The following FBXO38 variants were observed in gnomAD, a reference collection of about 807,000 sequenced individuals.
FBXO38 encodes the protein F-box protein 38.
FBXO38 carries 53 observed loss-of-function variants against 131.9 expected under a neutral mutation model. The observed-to-expected ratio is 0.40, with a 90% confidence interval of 0.32 to 0.51. The LOEUF is 0.51. FBXO38 is among the 20% of genes least tolerant of loss of function. FBXO38 has a pLI of 0.53. For missense variants in FBXO38, 1,076 were observed against 1,475.6 expected (o/e 0.73, Z 4.44); for synonymous variants, 452 against 505.6 (o/e 0.89, Z 1.42).
chr5:148,409,178 A>C lies in FBXO38; in HGVS notation c.923A>C (p.Glu308Ala). 6.2e-7 allele frequency: 1 copy of C among 1,613,200 alleles called. No homozygotes were observed. Among genetic ancestry groups the C allele is most frequent in the Non-Finnish European group, 8.5e-7 (1 of 1,179,282 alleles). ...CTGGGAGCTTGCAAAAATGCTCTTGAAGTAGATCTTGGTTACCTCATCATT... is the reference window on the plus strand; with the variant it reads ...CTGGGAGCTTGCAAAAATGCTCTTGCAGTAGATCTTGGTTACCTCATCATT... ...IVLGACKNALEVDLGYLIITA... is the reference protein window; with the variant it reads ...IVLGACKNALAVDLGYLIITA... Residue 308 changes from glutamate to alanine, a missense_variant, in exon 8 of 22, where the codon GAA becomes GCA. Physicochemically the swap from Glu to Ala is moderately radical, Grantham distance 107 (BLOSUM62 -1). This residue lies in a region of FBXO38 where 146 missense variants were observed against 274.3 expected (regional missense o/e 0.53). Coordinates refer to ENST00000340253, the MANE Select transcript of FBXO38 (RefSeq NM_205836.3).
intron 18 of FBXO38, among the ~76,000 whole-genome samples, chr5:148,439,132 G>T (rs1363893265): frequency 2.6e-5 from 4 of 152,066 alleles, no homozygotes; most frequent in Non-Finnish European, 5.9e-5. Context: ...TTCCCAAAAA[G>T]GAGACAAACA....
intron 12 of FBXO38, among the ~76,000 whole-genome samples, chr5:148,419,507 A>C (rs1344217904): frequency 6.6e-6 from 1 of 152,210 alleles, no homozygotes; most frequent in African/African-American, 2.4e-5. Context: ...GATGGTTCAA[A>C]TCTTCAAGTG....
intron 6 of FBXO38, among the ~76,000 whole-genome samples, chr5:148,406,043 T>C (rs973925999): frequency 1.3e-5 from 2 of 152,258 alleles, no homozygotes; most frequent in African/African-American, 4.8e-5. Context: ...GAATACTACA[T>C]ATCTCTACAG....
chr5:148,420,126 G>GTTTTTTT (rs1394877299), intron 12 of FBXO38, among the ~76,000 whole-genome samples: 1 of 146,026 alleles, frequency 6.8e-6, no homozygotes. Flanking sequence ...TTTTTTGTGG[G>GTTTTTTT]GTTTTTTTTT....
intron 9 of FBXO38, among the ~76,000 whole-genome samples, chr5:148,411,198 C>T (rs1752730009): frequency 6.6e-6 from 1 of 152,096 alleles, no homozygotes; most frequent in South Asian, 2.1e-4. Context: ...AATAAGCCCG[C>T]TGGGGGTTCT....
At chr5:148,414,668 G>A (rs1345925037) in intron 10 of FBXO38, among the ~76,000 whole-genome samples, 1 of 152,122 alleles carries the variant, frequency 6.6e-6, no homozygotes. Context: ...CACATCATCT[G>A]AAAGGACAAA....
chr5:148,425,828 A>C, intron 14 of FBXO38, 127 bp downstream of exon 14: 1 of 782,500 alleles, frequency 1.3e-6, no homozygotes, highest in South Asian at 1.8e-5. Context: ...CAAGAAATGC[A>C]CTTGCCCAAG....
rs1240551253 is a variant in FBXO38, at chr5:148,442,147, A to G, written c.3567A>G (p.Ter1189=). Residue 1189 remains the stop codon, a stop_retained_variant, in exon 22 of 22, where the codon TAA becomes TAG. Coordinates refer to ENST00000340253, the MANE Select transcript of FBXO38 (RefSeq NM_205836.3). Reference sequence around the variant, plus strand: ...AGCCAGTTGAAGATGACTACATTTAATTGGTCCCTCCTCCTTTCCAGCTAT... The same window carrying G: ...AGCCAGTTGAAGATGACTACATTTAGTTGGTCCCTCCTCCTTTCCAGCTAT... ...NGEPVEDDYI[*] The G allele has an allele frequency of 1.9e-6, 3 of 1,613,458 alleles. No individual in the cohort carries two copies. Among genetic ancestry groups the G allele is most frequent in the African/African-American group, 1.3e-5 (1 of 75,040 alleles).
intron 1 of FBXO38, chr5:148,390,043 A>AG (rs1483076362): frequency 6.6e-6 from 1 of 152,346 alleles, no homozygotes; most frequent in Non-Finnish European, 1.5e-5. Flanking sequence ...AAAAAAAAAA[A>AG]AAAAGGTACC....
At chr5:148,432,479 CTG>C (rs1754090689) in intron 15 of FBXO38, among the ~76,000 whole-genome samples, 1 of 152,202 alleles carries the variant, frequency 6.6e-6, no homozygotes. Flanking sequence ...CCATTTAACA[CTG>C]TGGCAAGTTC....
intron 16 of FBXO38, 52 bp downstream of exon 16, chr5:148,433,576 A>G: frequency 6.5e-7 from 1 of 1,549,446 alleles, no homozygotes; most frequent in Non-Finnish European, 8.9e-7. Context: ...CAGTTCCTAA[A>G]TAATGCACAT....
intron 17 of FBXO38, among the ~76,000 whole-genome samples, chr5:148,435,587 T>A (rs909953210): frequency 1.3e-5 from 2 of 152,110 alleles, no homozygotes; most frequent in Non-Finnish European, 2.9e-5. Flanking sequence ...CTCGCTAACA[T>A]GGTGAAACCC....
At chr5:148,396,823 TCTTAA>T (rs1488721642) in intron 2 of FBXO38, among the ~76,000 whole-genome samples, 2 of 152,088 alleles carry the variant, frequency 1.3e-5, no homozygotes, top group Admixed American at 1.3e-4. Flanking sequence ...GCTAGATTGG[TCTTAA>T]CTTCTGGCCT....
intron 9 of FBXO38, among the ~76,000 whole-genome samples, chr5:148,411,957 A>G (rs1752784646): frequency 6.6e-6 from 1 of 152,122 alleles, no homozygotes; most frequent in African/African-American, 2.4e-5. Context: ...ATTTTTCCCA[A>G]AAGCTCAGAA....
At chr5:148,391,830 C>T (rs1035356833) in intron 1 of FBXO38, among the ~76,000 whole-genome samples, 2 of 152,186 alleles carry the variant, frequency 1.3e-5, no homozygotes, top group Admixed American at 1.3e-4. Flanking sequence ...TCCTAAACCT[C>T]TGTTATCACT....
rs6861453 is a variant in FBXO38 at position 148,433,761 on chromosome 5, A to G, written c.2857+24A>G. 955 of 1,318,434 alleles carry G rather than the reference A, an allele frequency of 7.2e-4. 7 individuals are homozygous for G. The African/African-American group carries it at 0.013, about 17-fold the overall frequency. 81.7% of individuals were successfully genotyped at this position (1,318,434 alleles called of 1,614,324 possible). Reference sequence around the variant, plus strand: ...TGGTATGTATTTGGGCCCATATTATACAAGAGTATCATGAATGAGTTAAAA... The same window carrying G: ...TGGTATGTATTTGGGCCCATATTATGCAAGAGTATCATGAATGAGTTAAAA... On this transcript the variant is annotated intron_variant, in intron 17 of 21. Transcript: ENST00000340253.
chr5:148,427,127 G>A, intron 14 of FBXO38, 86 bp from the exon 15 acceptor site: 1 of 1,457,912 alleles, frequency 6.9e-7, no homozygotes, highest in East Asian at 2.3e-5. Context: ...ATTATTTCCT[G>A]TTCCAAATTT....
chr5:148,401,164 G>T (rs1752130861), intron 3 of FBXO38, among the ~76,000 whole-genome samples: 1 of 152,080 alleles, frequency 6.6e-6, no homozygotes, highest in South Asian at 2.1e-4. Flanking sequence ...CAGACAGTTG[G>T]CTTTCTGACC....
At chr5:148,388,504 C>G (rs773449543) in intron 1 of FBXO38, among the ~76,000 whole-genome samples, 1 of 152,206 alleles carries the variant, frequency 6.6e-6, no homozygotes, top group African/African-American at 2.4e-5. Flanking sequence ...TACTTTCAGC[C>G]GTTATCTAAG....
Sources: allele counts gnomAD v4.1 joint callset (sites outside exome capture counted in the v4.1 genomes callset), GRCh38; gene constraint gnomAD v4.1.1; regional missense constraint gnomAD v4.1.1; transcripts MANE v1.5; gene names NCBI Gene and HGNC (gene_info 2026-07-23, HGNC 2026-07-21).